The following CALN1 variants were observed in gnomAD, a reference collection of about 807,000 sequenced individuals.
CALN1 encodes calcium-binding protein 8.
CALN1 carries 17 observed loss-of-function variants against 30.6 expected under a neutral mutation model. That is an observed-to-expected ratio of 0.56 (90% CI 0.38 to 0.83). The LOEUF is 0.83. Ranked by LOEUF, CALN1 falls within the 40% of genes least tolerant of loss-of-function variation. CALN1 has a pLI of 0.00. For missense variants in CALN1, 291 were observed against 354.9 expected (o/e 0.82, Z 1.45); for synonymous variants, 156 against 131.4 (o/e 1.19, Z -1.28).
chr7:71,867,735 GGACTGCCTTTTAGAATACTCCTTTTGTT>G (rs1791675629), intron 5 of CALN1, among the ~76,000 whole-genome samples: 1 of 152,010 alleles, frequency 6.6e-6, no homozygotes, highest in Non-Finnish European at 1.5e-5. Context: ...GCCCGGCTGG[GGACTGCCTTTTAGAATACTCCTTTTGTT>G]CATTTGTTTG....
rs565848752 is a variant in CALN1 at position 72,290,282 on chromosome 7, T to C, written c.120-11472A>G. Among the ~76,000 whole-genome samples the C allele has an allele frequency of 4.3e-4, 66 of 152,168 alleles. No homozygotes were observed. The South Asian group carries it at 0.01, about 24-fold the overall frequency. The stretch of plus-strand genomic sequence containing the variant: ...GAAAAGAAGACATGAAAACATGACA[T>C]TTTCCTGCAGCAACATTCCATTGTT... On this transcript the variant is annotated intron_variant, in intron 2 of 6. Transcript: ENST00000395275.
rs746028273 is a variant in CALN1, at chr7:71,787,728, T to C, written c.*47A>G. On this transcript the variant is annotated 3_prime_UTR_variant, in exon 7 of 7. Transcript: ENST00000395275. ...GGAGGAAGAGTCTGCCCGCACGGCA[T>C]GCACATGCGCGGTGAGCTGCAACAC... 3 of 1,606,962 alleles carry C rather than the reference T, an allele frequency of 1.9e-6. No individual in the cohort carries two copies. Among genetic ancestry groups the C allele is most frequent in the Admixed American group, 3.3e-5 (2 of 59,890 alleles).
At chr7:71,851,775 A>G (rs1284996516) in intron 5 of CALN1, among the ~76,000 whole-genome samples, 1 of 152,082 alleles carries the variant, frequency 6.6e-6, no homozygotes, top group African/African-American at 2.4e-5. Context: ...GGAGAAATAT[A>G]ATAGATGCAA....
At chr7:72,147,189 G>A (rs183625890) in intron 3 of CALN1, among the ~76,000 whole-genome samples, 1 of 152,100 alleles carries the variant, frequency 6.6e-6, no homozygotes, top group South Asian at 2.1e-4. Flanking sequence ...GCAACCTACA[G>A]CACGGGAGAA....
At chr7:71,919,127 T>C (rs1229253325) in intron 5 of CALN1, among the ~76,000 whole-genome samples, 2 of 152,336 alleles carry the variant, frequency 1.3e-5, no homozygotes, top group Middle Eastern at 3.4e-3. Context: ...GTCTTTGCCA[T>C]CACCACCTAA....
At chr7:72,464,263 A>G in the CALN1 span, among the ~76,000 whole-genome samples, 1 of 152,154 alleles carries the variant, frequency 6.6e-6, no homozygotes, top group East Asian at 1.9e-4. Flanking sequence ...GAGCTATGAC[A>G]GTGCCACTGC....
intron 5 of CALN1, among the ~76,000 whole-genome samples, chr7:71,827,561 G>A (rs975199544): frequency 2.0e-5 from 3 of 151,824 alleles, no homozygotes; most frequent in South Asian, 2.1e-4. Context: ...ACTGGAGGTC[G>A]GGAGTTCGAG....
chr7:72,346,480 T>G (rs371823344), intron 2 of CALN1, among the ~76,000 whole-genome samples: 1 of 152,314 alleles, frequency 6.6e-6, no homozygotes, highest in African/African-American at 2.4e-5. Flanking sequence ...CTCCCATATA[T>G]AATTTTTAAT....
chr7:72,330,014 G>A lies in CALN1; in HGVS notation c.120-51204C>T, dbSNP rs1044676077. On this transcript the variant is annotated intron_variant, in intron 2 of 6. Coordinates refer to ENST00000395275, the MANE Select transcript of CALN1 (RefSeq NM_031468.4). Reference sequence around the variant, plus strand: ...AAATAAAAATACAAAAATTAGGTCGGGCGCAGTGGCTTATACCTGTAATCC... The same window carrying A: ...AAATAAAAATACAAAAATTAGGTCGAGCGCAGTGGCTTATACCTGTAATCC... Among the ~76,000 whole-genome samples the A allele has an allele frequency of 3.3e-5, 5 of 151,370 alleles. No individual in the cohort carries two copies. In the South Asian group the frequency reaches 1.0e-3, roughly 32 times the overall value.
intron 3 of CALN1, among the ~76,000 whole-genome samples, chr7:72,146,264 T>A (rs1236621001): frequency 6.6e-6 from 1 of 152,198 alleles, no homozygotes; most frequent in Non-Finnish European, 1.5e-5. Flanking sequence ...GATAAGCAAC[T>A]GCAGCAAAGT....
At chr7:71,989,432 C>A (rs1798834837) in intron 5 of CALN1, among the ~76,000 whole-genome samples, 1 of 141,836 alleles carries the variant, frequency 7.1e-6, no homozygotes, top group Admixed American at 7.1e-5. Flanking sequence ...GAGTGAGATT[C>A]CATCTATTAA....
intron 3 of CALN1, among the ~76,000 whole-genome samples, chr7:72,114,960 C>T (rs551597302): frequency 6.6e-6 from 1 of 151,492 alleles, no homozygotes; most frequent in East Asian, 1.9e-4. Context: ...TATCATTGCA[C>T]TCCAGCCTGG....
intron 5 of CALN1, among the ~76,000 whole-genome samples, chr7:71,815,784 T>G (rs1788224962): frequency 8.1e-6 from 1 of 122,864 alleles, no homozygotes; most frequent in Non-Finnish European, 1.7e-5. Flanking sequence ...CCCTCCCCCT[T>G]TCCTCCCTTC....
At chr7:71,857,032 G>GTGTA (rs1790998459) in intron 5 of CALN1, among the ~76,000 whole-genome samples, 1 of 151,144 alleles carries the variant, frequency 6.6e-6, no homozygotes, top group East Asian at 1.9e-4. Flanking sequence ...GTGTGTGTGT[G>GTGTA]TGTGTGTGTG....
chr7:71,840,764 T>C (rs962519584), intron 5 of CALN1, among the ~76,000 whole-genome samples: 1 of 152,150 alleles, frequency 6.6e-6, no homozygotes, highest in African/African-American at 2.4e-5. Context: ...ATGAAATTTT[T>C]TTGTTGGCAC....
chr7:71,945,467 C>T lies in CALN1; in HGVS notation c.501+78190G>A, dbSNP rs1305921262. 3.3e-5 allele frequency among the ~76,000 whole-genome samples: 5 copies of T among 152,336 alleles called. No homozygotes were observed. In the East Asian group the frequency reaches 9.7e-4, roughly 29 times the overall value. On this transcript the variant is annotated intron_variant, in intron 5 of 6. Transcript: ENST00000395275. ...AGAGCAGGGCTCCTCATCGCCCAGG[C>T]TGTGGACCAGCACCAGTCTGTGGCC...
chr7:72,196,036 T>A (rs1027211844), intron 3 of CALN1, among the ~76,000 whole-genome samples: 1 of 152,020 alleles, frequency 6.6e-6, no homozygotes, highest in Non-Finnish European at 1.5e-5. Flanking sequence ...AGACAGAAAG[T>A]AGATTAGTGG....
chr7:72,431,710 T>C (rs1004584410), intron 1 of CALN1, among the ~76,000 whole-genome samples: 6 of 152,100 alleles, frequency 3.9e-5, no homozygotes, highest in Non-Finnish European at 7.4e-5. Flanking sequence ...AGTGTGGTCA[T>C]GCGTGCCTGT....
At chr7:71,836,486 A>G (rs1789608536) in intron 5 of CALN1, among the ~76,000 whole-genome samples, 1 of 152,156 alleles carries the variant, frequency 6.6e-6, no homozygotes, top group African/African-American at 2.4e-5. Context: ...TTTCACCTTC[A>G]TAGAGAAACA....
Sources: allele counts gnomAD v4.1 joint callset (sites outside exome capture counted in the v4.1 genomes callset), GRCh38; gene constraint gnomAD v4.1.1; transcripts MANE v1.5; gene names NCBI Gene and HGNC (gene_info 2026-07-23, HGNC 2026-07-21).